The following TRIM36 variants were observed in gnomAD, a reference collection of about 807,000 sequenced individuals.
TRIM36 encodes the protein tripartite motif containing 36, also known as E3 ubiquitin-protein ligase TRIM36.
A neutral mutation model predicts 72.4 loss-of-function variants in TRIM36; 42 were observed. That is an observed-to-expected ratio of 0.58 (90% CI 0.45 to 0.75). The LOEUF (loss-of-function observed/expected upper bound fraction) is 0.75, where lower values mean the gene tolerates loss of function less well. Among genes scored for constraint, TRIM36 ranks in the 30% least tolerant of loss-of-function variants. The pLI is 0.00. For synonymous variants in TRIM36, 315 were observed against 282.8 expected, an observed-to-expected ratio of 1.11 and a Z score of -1.14; for missense variants, 913 against 857.1, an observed-to-expected ratio of 1.07 and a Z score of -0.81.
At chr5:115,130,523 C>T in intron 9 of TRIM36, 69 bp downstream of exon 9, 2 of 1,512,110 alleles carry the variant, frequency 1.3e-6, no homozygotes, top group Non-Finnish European at 8.9e-7. Flanking sequence ...CCAAATGTAA[C>T]AAAGCCAAAT....
chr5:115,159,242 A>G (rs1754347002), intron 2 of TRIM36, among the ~76,000 whole-genome samples: 1 of 152,210 alleles, frequency 6.6e-6, no homozygotes, highest in Admixed American at 6.5e-5. Flanking sequence ...AAAATAATCA[A>G]TACCTTTAAT....
upstream of TRIM36, chr5:115,169,922 G>C: frequency 7.8e-7 from 1 of 1,279,724 alleles, no homozygotes; most frequent in South Asian, 2.3e-5. Flanking sequence ...TGGGAACGGC[G>C]CCGCGCAGAG....
rs780521230 is a variant in TRIM36 at position 115,137,046 on chromosome 5, G to T, written c.1164C>A (p.Thr388=). 1 of 1,610,876 alleles carries T rather than the reference G, an allele frequency of 6.2e-7. No homozygotes were observed. Residue 388 remains threonine (T), a synonymous_variant, in exon 7 of 10, where the codon ACC becomes ACA. Transcript: ENST00000513154. ...CTCCAAGAAGTTCTGTTTGTTTAGAGGTATTAACAACATAGTCTTCAAAAG... is the reference window on the plus strand; with the variant it reads ...CTCCAAGAAGTTCTGTTTGTTTAGATGTATTAACAACATAGTCTTCAAAAG... The part of the protein sequence containing the change: ...QTSFEDYVVN[T]SKQTELLGEL...
At chr5:115,167,660 C>G (rs1029876254) in intron 1 of TRIM36, among the ~76,000 whole-genome samples, 3 of 152,216 alleles carry the variant, frequency 2.0e-5, no homozygotes, top group East Asian at 1.9e-4. Context: ...TTGGTCAAAA[C>G]CATTCAACAA....
In TRIM36 at chr5:115,137,430, C is replaced by A. The variant is rs753087793; in HGVS notation, c.1018G>T (p.Ala340Ser). ...LLENNGLVGY[A>S]QEVLKETDQS... The stretch of plus-strand genomic sequence containing the variant: ...TCTGTCTCCTTTAGCACTTCTTGAG[C>A]ATATCCCACAAGTCCATTGTTCTCT... Residue 340 changes from alanine (A) to serine (S), a missense_variant, in exon 6 of 10, where the codon GCT becomes TCT. By Grantham distance (99) the Ala-to-Ser change is moderately conservative. Coordinates refer to ENST00000513154, the MANE Select transcript of TRIM36 (RefSeq NM_001300759.2). 1 of 1,614,122 alleles carries A rather than the reference C, an allele frequency of 6.2e-7. No homozygotes were observed. Among genetic ancestry groups the A allele is most frequent in the East Asian group, 2.2e-5 (1 of 44,872 alleles).
Position 115,137,504 on chromosome 5 carries a change from A to C in TRIM36, c.944T>G (p.Leu315Arg). The C allele has an allele frequency of 6.2e-7, 1 of 1,614,124 alleles. No individual in the cohort carries two copies. The highest frequency in any genetic ancestry group is 8.5e-7 in the Non-Finnish European group (1 of 1,180,006). ...VLKAIDSSKK[L>R]RLDKFQTQME... ...TTGAGTCTGAAATTTGTCTAATCTT[A>C]GTTTCTTAGAGGAGTCAATTGCTTT... is the stretch of plus-strand genomic sequence containing the variant. Residue 315 changes from leucine (L) to arginine (R), a missense_variant, in exon 6 of 10, where the codon CTA (leucine) becomes CGA (arginine). Coordinates refer to ENST00000513154, the MANE Select transcript of TRIM36 (RefSeq NM_001300759.2).
In TRIM36 at chr5:115,126,118, A is replaced by G. The variant is rs1285680008; in HGVS notation, c.*385T>C. Reference sequence around the variant, plus strand: ...AAAAAATATCTTCTCTTAGGACATAAACATGATATAAAAATGAAAAGTCAA... The same window carrying G: ...AAAAAATATCTTCTCTTAGGACATAGACATGATATAAAAATGAAAAGTCAA... On this transcript the variant is annotated 3_prime_UTR_variant, in exon 10 of 10. Transcript: ENST00000513154. The G allele has an allele frequency of 1.1e-5, 2 of 177,466 alleles. No homozygotes were observed. The allele number at this position is 177,466 out of a possible 1,614,324, so 11.0% of individuals were successfully genotyped here.
chr5:115,133,062 T>A (rs190553751), intron 8 of TRIM36, among the ~76,000 whole-genome samples: 1 of 152,030 alleles, frequency 6.6e-6, no homozygotes, highest in Admixed American at 6.6e-5. Context: ...GTGAAGAAAA[T>A]ATGGGTACAT....
intron 8 of TRIM36, 75 bp from the exon 9 acceptor site, chr5:115,130,964 T>TA: frequency 2.0e-6 from 3 of 1,464,650 alleles, no homozygotes; most frequent in Non-Finnish European, 2.7e-6. Context: ...TAGGTTTTCT[T>TA]ACAGAAATTA....
upstream of TRIM36, among the ~76,000 whole-genome samples, chr5:115,170,316 G>A (rs1755045283): frequency 1.3e-5 from 2 of 152,194 alleles, no homozygotes; most frequent in South Asian, 4.1e-4. Flanking sequence ...CCCTGGCCCT[G>A]CGCTGCCATT....
intron 8 of TRIM36, 28 bp downstream of exon 8, chr5:115,133,832 C>CTTTTTT: frequency 6.5e-7 from 1 of 1,542,584 alleles, no homozygotes; most frequent in Admixed American, 2.1e-5. Context: ...TAACTCTATG[C>CTTTTTT]TTTTTTTATT....
At chr5:115,177,874 T>A in intron 1 of TRIM36, 1 of 1,613,828 alleles carries the variant, frequency 6.2e-7, no homozygotes, top group Non-Finnish European at 8.5e-7. Flanking sequence ...TGCTGAAGCC[T>A]AGTGAAGAGA....
chr5:115,148,412 GTTCT>G lies in TRIM36; in HGVS notation c.263-1022_263-1019del, dbSNP rs1753706903. ...ATCACATTCCCTCATTTGTAAATCT[GTTCT>G]TTTTTTTTTTTTTTTTTTTTTTAGA... On this transcript the variant is annotated intron_variant, in intron 2 of 9. Transcript: ENST00000513154. 3.6e-5 allele frequency: 23 copies of G among 634,056 alleles called. No individual in the cohort carries two copies. In the South Asian group the frequency reaches 1.2e-3, roughly 33 times the overall value. 39.3% of individuals were successfully genotyped at this position (634,056 alleles called of 1,614,324 possible).
chr5:115,175,923 G>A (rs952877082), intron 1 of TRIM36, among the ~76,000 whole-genome samples: 3 of 152,048 alleles, frequency 2.0e-5, no homozygotes, highest in South Asian at 2.1e-4. Flanking sequence ...TCAGGAGTTC[G>A]AGACCAGCCT....
At position 115,169,883 on chromosome 5, in the gene TRIM36, C is replaced by T. The variant is rs1186437528; in HGVS notation, c.-249G>A. 3.1e-6 allele frequency: 4 copies of T among 1,304,624 alleles called. No homozygotes were observed. The highest frequency in any genetic ancestry group is 3.9e-5 in the Admixed American group (1 of 25,716). The allele number at this position is 1,304,624 out of a possible 1,614,324, so 80.8% of individuals were successfully genotyped here. On this transcript the variant is annotated 5_prime_UTR_variant, in exon 1 of 10. Transcript: ENST00000513154. The stretch of plus-strand genomic sequence containing the variant: ...CCCGGGAATCCCGCCCAGCTGCCGG[C>T]TGCAGCAGCGGCTCCTGCGGACTGC...
intron 9 of TRIM36, among the ~76,000 whole-genome samples, chr5:115,127,948 A>C (rs1752440839): frequency 6.6e-6 from 1 of 152,128 alleles, no homozygotes; most frequent in African/African-American, 2.4e-5. Context: ...AAGACGTGGA[A>C]GTGGAAGACG....
At chr5:115,146,959 C>G (rs1003225769) in intron 3 of TRIM36, 110 bp downstream of exon 3, 18 of 1,162,126 alleles carry the variant, frequency 1.5e-5, no homozygotes, top group Admixed American at 1.2e-4. Context: ...AAAGTTATTT[C>G]CTTTCTGTCA....
chr5:115,177,625 C>T (rs1333971621), intron 1 of TRIM36: 46 of 1,528,426 alleles, frequency 3.0e-5, no homozygotes, highest in South Asian at 1.7e-4. Context: ...GCTGGGGCTG[C>T]GGGGCGGGGC....
intron 7 of TRIM36, among the ~76,000 whole-genome samples, chr5:115,134,847 G>T (rs1467177941): frequency 6.6e-6 from 1 of 152,102 alleles, no homozygotes; most frequent in Admixed American, 6.6e-5. Context: ...GCCTCTCAAT[G>T]AATATTTTAT....
Sources: gnomAD v4.1 joint callset for allele counts (sites outside exome capture counted in the v4.1 genomes callset) on GRCh38, gnomAD v4.1.1 for gene constraint, MANE v1.5 for transcripts, NCBI Gene and HGNC (gene_info 2026-07-23, HGNC 2026-07-21) for gene names.